Variants in NECTIN2 observed in about 807,000 individuals in gnomAD.
NECTIN2 encodes the protein nectin cell adhesion molecule 2, also known as nectin-2.
NECTIN2 carries 23 observed loss-of-function variants against 56.9 expected under a neutral mutation model. The ratio of observed to expected loss-of-function variants is 0.40; its 90% confidence interval spans 0.29 to 0.57. The LOEUF is 0.57. NECTIN2 is among the 20% of genes least tolerant of loss of function. The pLI is 0.38. For synonymous variants in NECTIN2, 302 were observed against 313.8 expected, an observed-to-expected ratio of 0.96 and a Z score of 0.40; for missense variants, 587 against 718.3, an observed-to-expected ratio of 0.82 and a Z score of 2.09.
intron 8 of NECTIN2, among the ~76,000 whole-genome samples, chr19:44,887,738 C>T (rs1969376927): frequency 6.6e-6 from 1 of 152,116 alleles, no homozygotes; most frequent in African/African-American, 2.4e-5. Flanking sequence ...CAAGTCACTC[C>T]CCTCAGTGGT....
At chr19:44,870,279 TGAGTCACTATTCTAA>T (rs1969157506) in intron 2 of NECTIN2, among the ~76,000 whole-genome samples, 1 of 152,084 alleles carries the variant, frequency 6.6e-6, no homozygotes, top group Non-Finnish European at 1.5e-5. Context: ...GCTCGGGCCC[TGAGTCACTATTCTAA>T]CAGCTTGGAG....
chr19:44,870,271 TCGGGCCC>T (rs1969157367), intron 2 of NECTIN2, among the ~76,000 whole-genome samples: 1 of 152,022 alleles, frequency 6.6e-6, no homozygotes, highest in Non-Finnish European at 1.5e-5. Context: ...AGTGGTGGGC[TCGGGCCC>T]TGAGTCACTA....
chr19:44,872,225 C>G (rs1320350030), intron 3 of NECTIN2, 76 bp downstream of exon 3: 1 of 1,507,968 alleles, frequency 6.6e-7, no homozygotes, highest in African/African-American at 1.4e-5. Flanking sequence ...TCTACATTGT[C>G]TCTGAATGTT....
chr19:44,888,020 G>A (rs1969379408), intron 8 of NECTIN2, 90 bp from the exon 9 acceptor site: 1 of 1,395,962 alleles, frequency 7.2e-7, no homozygotes, highest in South Asian at 1.3e-5. Flanking sequence ...TGGGGAGAGA[G>A]CGGTCAGGAT....
intron 1 of NECTIN2, among the ~76,000 whole-genome samples, chr19:44,854,374 C>G (rs1266725640): frequency 6.6e-6 from 1 of 152,110 alleles, no homozygotes; most frequent in South Asian, 2.1e-4. Flanking sequence ...TGAGCCACCG[C>G]CCCATCCTAA....
chr19:44,864,827 C>CA (rs1209066604), intron 1 of NECTIN2, among the ~76,000 whole-genome samples: 1,591 of 144,464 alleles, frequency 0.011, 23 homozygotes, highest in African/African-American at 0.036. Flanking sequence ...GACTCCGTCT[C>CA]AAAAAAAAAA....
Position 44,846,379 on chromosome 19 carries a change from G to A in NECTIN2, c.-147G>A. 2.0e-6 allele frequency: 2 copies of A among 1,024,760 alleles called. No individual in the cohort carries two copies. Among genetic ancestry groups the A allele is most frequent in the Non-Finnish European group, 2.6e-6 (2 of 765,732 alleles). 63.5% of individuals were successfully genotyped at this position (1,024,760 alleles called of 1,614,324 possible). On this transcript the variant is annotated 5_prime_UTR_variant, in exon 1 of 9. Transcript: ENST00000252483. ...GGGCGGGGAGAGCTGGGCCGGGAGA[G>A]CAGAACAGGGAGGCTAGAGCGCAGC...
At chr19:44,862,610 C>T (rs1000036120) in intron 1 of NECTIN2, among the ~76,000 whole-genome samples, 2 of 152,098 alleles carry the variant, frequency 1.3e-5, no homozygotes, top group Non-Finnish European at 2.9e-5. Context: ...TCAAATACCA[C>T]ATGTTCTCAC....
intron 1 of NECTIN2, among the ~76,000 whole-genome samples, chr19:44,862,384 A>T (rs12980631): frequency 6.7e-6 from 1 of 149,540 alleles, no homozygotes; most frequent in Non-Finnish European, 1.5e-5. Flanking sequence ...CACTGCACTC[A>T]GGCCTGGGCA....
intron 1 of NECTIN2, among the ~76,000 whole-genome samples, chr19:44,849,812 A>T (rs945120331): frequency 6.6e-6 from 1 of 152,184 alleles, no homozygotes; most frequent in Non-Finnish European, 1.5e-5. Flanking sequence ...CAGAGGAAAG[A>T]GGAAGAGAGT....
At chr19:44,885,725 C>T (rs566280674) in intron 6 of NECTIN2, among the ~76,000 whole-genome samples, 15 of 152,286 alleles carry the variant, frequency 9.8e-5, no homozygotes, top group Non-Finnish European at 1.9e-4. Flanking sequence ...CTAGGTATGT[C>T]CGTGTAACAG....
chr19:44,886,119 C>T lies in NECTIN2; in HGVS notation c.1261-14C>T. ...GGGGCAGTTCCTGACCTCCCCGCCC[C>T]TCTCCCACTACAGCCCTCCCAGCTC... On this transcript the variant is annotated splice_polypyrimidine_tract_variant and intron_variant, in intron 7 of 8. Transcript: ENST00000252483. 1.9e-6 allele frequency: 3 copies of T among 1,605,632 alleles called. No individual in the cohort carries two copies. The highest frequency in any genetic ancestry group is 2.6e-6 in the Non-Finnish European group (3 of 1,172,658).
Position 44,874,078 on chromosome 19 carries a change from C to A in NECTIN2, c.893+45C>A. On this transcript the variant is annotated intron_variant, in intron 4 of 8. Transcript: ENST00000252483. The surrounding 1 kb of genome is among the most constrained non-coding windows in gnomAD (Gnocchi z 6.3). Reference sequence around the variant, plus strand: ...AACCCTGGGTCTGAGGGAGGCGGGGCTGGGGGCCTGGACTCCTGGATCTAA... The same window carrying A: ...AACCCTGGGTCTGAGGGAGGCGGGGATGGGGGCCTGGACTCCTGGATCTAA... 6.8e-7 allele frequency: 1 copy of A among 1,475,360 alleles called. No homozygotes were observed. The highest frequency in any genetic ancestry group is 9.4e-7 in the Non-Finnish European group (1 of 1,063,966). 91.4% of individuals were successfully genotyped at this position (1,475,360 alleles called of 1,614,324 possible). A position where few individuals can be genotyped will look rare whatever the true frequency, so the allele number is the denominator to read the frequency against.
Position 44,846,600 on chromosome 19 carries a change from G to A in NECTIN2, c.75G>A (p.Leu25=). ...TGCTGTGGCCGCTGCTGCTGCTGCT[G>A]CTCCTGGAAACCGGTGAGACGAGCG... ...TPLLWPLLLL[L]LLETGAQDVR... Residue 25 remains leucine, a synonymous_variant, in exon 1 of 9, where the codon CTG becomes CTA. Transcript: ENST00000252483. 1 of 1,525,216 alleles carries A rather than the reference G, an allele frequency of 6.6e-7. No individual in the cohort carries two copies. The highest frequency in any genetic ancestry group is 8.8e-7 in the Non-Finnish European group (1 of 1,142,766). The allele number at this position is 1,525,216 out of a possible 1,614,324, so 94.5% of individuals were successfully genotyped here. A position where few individuals can be genotyped will look rare whatever the true frequency, so the allele number is the denominator to read the frequency against.
chr19:44,870,185 A>G (rs1199528365), intron 2 of NECTIN2, among the ~76,000 whole-genome samples: 1 of 152,094 alleles, frequency 6.6e-6, no homozygotes, highest in Non-Finnish European at 1.5e-5. Flanking sequence ...CAAAACCCCA[A>G]AGTGGGTGGA....
chr19:44,866,308 G>C (rs1021596567), intron 2 of NECTIN2, among the ~76,000 whole-genome samples: 6 of 150,990 alleles, frequency 4.0e-5, no homozygotes, highest in Non-Finnish European at 7.4e-5. Flanking sequence ...GGGAGGCTGA[G>C]GTGGGAGGAT....
At position 44,865,154 on chromosome 19, in the gene NECTIN2, C is replaced by A; in HGVS notation, c.89-117C>A. 8.7e-7 allele frequency: 1 copy of A among 1,144,042 alleles called. No homozygotes were observed. The highest frequency in any genetic ancestry group is 1.2e-6 in the Non-Finnish European group (1 of 804,890). 70.9% of individuals were successfully genotyped at this position (1,144,042 alleles called of 1,614,324 possible). ...TTGGAATCAGGATGCTGCGAAGCTG[C>A]CTACGTTGCATGCGGAGCCTGCATT... On this transcript the variant is annotated intron_variant, in intron 1 of 8. Transcript: ENST00000252483. The surrounding 1 kb of genome is among the most constrained non-coding windows in gnomAD (Gnocchi z 5.2).
Position 44,865,734 on chromosome 19 carries a change from T to C in NECTIN2, c.478+74T>C, listed in dbSNP as rs1337242742. 7.1e-7 allele frequency: 1 copy of C among 1,414,272 alleles called. No homozygotes were observed. The allele number at this position is 1,414,272 out of a possible 1,614,324, so 87.6% of individuals were successfully genotyped here. A position where few individuals can be genotyped will look rare whatever the true frequency, so the allele number is the denominator to read the frequency against. On this transcript the variant is annotated intron_variant, in intron 2 of 8. Transcript: ENST00000252483. The surrounding 1 kb of genome is among the most constrained non-coding windows in gnomAD (Gnocchi z 5.2). ...GGGAGCATCCCCTTGCGGGTCAGTTTCTCTCTTGGCTTCAGCTGTGAGGTT... is the reference window on the plus strand; with the variant it reads ...GGGAGCATCCCCTTGCGGGTCAGTTCCTCTCTTGGCTTCAGCTGTGAGGTT...
chr19:44,878,027 G>C (rs1244759869), intron 5 of NECTIN2, among the ~76,000 whole-genome samples: 1 of 151,742 alleles, frequency 6.6e-6, no homozygotes, highest in Non-Finnish European at 1.5e-5. Context: ...AAGGGCGGAG[G>C]GGCTTCTGCT....
Sources: gnomAD v4.1 joint callset for allele counts (sites outside exome capture counted in the v4.1 genomes callset) on GRCh38, gnomAD v4.1.1 for gene constraint, Gnocchi (gnomAD v3.1) non-coding constraint, MANE v1.5 for transcripts, NCBI Gene and HGNC (gene_info 2026-07-23, HGNC 2026-07-21) for gene names.